Variants in MED16 observed in about 807,000 individuals in gnomAD.
MED16 encodes mediator complex subunit 16, also known as mediator of RNA polymerase II transcription subunit 16.
Under a neutral mutation model 84.4 loss-of-function variants are expected in MED16, and 81 were observed. The ratio of observed to expected loss-of-function variants is 0.96; its 90% CI spans 0.80 to 1.15. The LOEUF is 1.15. Ranked by LOEUF, MED16 falls within the 50% of genes most tolerant of loss-of-function variation. MED16 has a pLI of 0.00. For missense variants in MED16, 1,585 were observed against 1,245.9 expected (o/e 1.27, Z -4.10); for synonymous variants, 897 against 552.2 (o/e 1.62, Z -8.76).
intron 4 of MED16, among the ~76,000 whole-genome samples, chr19:888,680 C>G (rs2036571974): frequency 6.6e-6 from 1 of 152,140 alleles, no homozygotes; most frequent in South Asian, 2.1e-4. Flanking sequence ...AAAACTGTTA[C>G]CAAAAACAGG....
At chr19:873,781 G>T (rs1218372631) in intron 10 of MED16, among the ~76,000 whole-genome samples, 199 bp from the exon 11 acceptor site, 1 of 152,096 alleles carries the variant, frequency 6.6e-6, no homozygotes, top group Non-Finnish European at 1.5e-5. Flanking sequence ...CCCCCCCCGG[G>T]GGCCGCTGTG....
chr19:873,332 G>A, intron 11 of MED16, 117 bp downstream of exon 11: 1 of 329,672 alleles, frequency 3.0e-6, no homozygotes, highest in Non-Finnish European at 4.2e-6. Flanking sequence ...AGTAGGGGCG[G>A]GACTCCAACT....
intron 12 of MED16, 160 bp downstream of exon 12, chr19:871,766 G>A (rs2036066221): frequency 4.9e-6 from 3 of 614,748 alleles, no homozygotes; most frequent in South Asian, 1.7e-5. Context: ...GGAGAGGGGA[G>A]CGGGGAGAGG....
At chr19:878,358 AGCCCCAGCCC>A (rs2036316634) in intron 8 of MED16, among the ~76,000 whole-genome samples, 1 of 8,452 alleles carries the variant, frequency 1.2e-4, no homozygotes, top group Non-Finnish European at 2.3e-4. Context: ...AATGCCCACC[AGCCCCAGCCC>A]CAGCCCCAGC....
At chr19:873,720 A>AGGGGGC in intron 10 of MED16, 138 bp from the exon 11 acceptor site, 1 of 1,037,620 alleles carries the variant, frequency 9.6e-7, no homozygotes, top group African/African-American at 1.6e-5. Context: ...GGGAACGAGA[A>AGGGGGC]GGGGGCGATG....
chr19:879,956 C>A lies in MED16; in HGVS notation c.1334G>T (p.Gly445Val). 2 of 1,604,382 alleles carry A rather than the reference C, an allele frequency of 1.2e-6. No individual in the cohort carries two copies. Among genetic ancestry groups the A allele is most frequent in the Non-Finnish European group, 1.7e-6 (2 of 1,176,736 alleles). The change falls in exon 8 of 16, where the codon GGG (glycine) becomes GTG (valine). Residue 445 changes from glycine (G) to valine (V), a missense_variant. Physicochemically the swap from Gly to Val is moderately radical, Grantham distance 109. Transcript: ENST00000325464. ...QLSWTSLALV[G>V]IDSHGKLSVL... Reference sequence around the variant, plus strand: ...GCTCACCTTCCCGTGGCTGTCAATCCCCACCAGGGCCAGTGACGTCCACGA... The same window carrying A: ...GCTCACCTTCCCGTGGCTGTCAATCACCACCAGGGCCAGTGACGTCCACGA...
Position 874,603 on chromosome 19 carries a change from G to A in MED16, c.1771+641C>T, listed in dbSNP as rs77968665. 5.8e-3 allele frequency among the ~76,000 whole-genome samples: 888 copies of A among 152,292 alleles called. 13 individuals carry two copies. Among genetic ancestry groups the A allele is most frequent in the African/African-American group, 0.02 (847 of 41,560 alleles). ...CCTGCCTGCACAGGACCCGGGTGCC[G>A]GGTGTCGGCCTGGGAGCGTCTCAGC... On this transcript the variant is annotated intron_variant, in intron 10 of 15. Transcript: ENST00000325464.
At chr19:871,363 G>A (rs1449539420) in intron 12 of MED16, 110 bp from the exon 13 acceptor site, 9 of 1,347,818 alleles carry the variant, frequency 6.7e-6, no homozygotes, top group African/African-American at 1.5e-5. Flanking sequence ...CAGGGCCCCA[G>A]CTCTGTCTGC....
rs149297998 is a variant in MED16 at position 868,226 on chromosome 19, C to G, written c.2509G>C (p.Ala837Pro). 1 of 1,599,186 alleles carries G rather than the reference C, an allele frequency of 6.3e-7. No individual in the cohort carries two copies. The highest frequency in any genetic ancestry group is 8.5e-7 in the Non-Finnish European group (1 of 1,173,976). ...CLAVEGRGPD[A>P]CVTSRASEEA... ...TCAGAAGCTCTGCTGGTCACGCAGG[C>G]GTCCGGCCCACGGCCTTCAACAGCC... The change falls in exon 16 of 16, where the codon GCC becomes CCC. Residue 837 changes from alanine to proline, a missense_variant. Coordinates refer to ENST00000325464, the MANE Select transcript of MED16 (RefSeq NM_005481.3).
intron 5 of MED16, among the ~76,000 whole-genome samples, 165 bp downstream of exon 5, chr19:885,604 GA>G (rs1343437080): frequency 6.6e-6 from 1 of 152,160 alleles, no homozygotes; most frequent in Non-Finnish European, 1.5e-5. Context: ...CAGATGCTGG[GA>G]AAGGCAGAAA....
Position 890,125 on chromosome 19 carries a change from C to A in MED16, c.277+12G>T. On this transcript the variant is annotated intron_variant, in intron 3 of 15. Coordinates refer to ENST00000325464, the MANE Select transcript of MED16 (RefSeq NM_005481.3). ...GGTCGCCACCCCTGGCCACGTGGGA[C>A]CAGCGCCTCACCTGACTGGTCCCAC... 1 of 1,541,208 alleles carries A rather than the reference C, an allele frequency of 6.5e-7. No homozygotes were observed. The highest frequency in any genetic ancestry group is 8.8e-7 in the Non-Finnish European group (1 of 1,141,992).
chr19:874,856 T>C (rs1297236990), intron 10 of MED16, among the ~76,000 whole-genome samples: 5 of 151,828 alleles, frequency 3.3e-5, no homozygotes, highest in African/African-American at 1.2e-4. Flanking sequence ...GATGACACAG[T>C]GAGACCGTCT....
intron 13 of MED16, among the ~76,000 whole-genome samples, chr19:869,807 G>A (rs1316571156): frequency 6.6e-6 from 1 of 152,212 alleles, no homozygotes; most frequent in African/African-American, 2.4e-5. Flanking sequence ...CAGAGGGTTT[G>A]CATGTGCTCC....
chr19:871,491 C>A, intron 12 of MED16: 2 of 1,487,700 alleles, frequency 1.3e-6, no homozygotes, highest in Non-Finnish European at 9.0e-7. Flanking sequence ...CCCTCATTCA[C>A]TTAAAAAGTA....
intron 6 of MED16, among the ~76,000 whole-genome samples, chr19:883,357 C>T (rs113040541): frequency 2.5e-5 from 2 of 79,524 alleles, no homozygotes; most frequent in African/African-American, 5.3e-5. Context: ...AAGCCTGGCA[C>T]GGTGGGCACG....
In MED16 at chr19:883,776, G is replaced by A. The variant is rs1212004097; in HGVS notation, c.985+1127C>T. On this transcript the variant is annotated intron_variant, in intron 6 of 15. Coordinates refer to ENST00000325464, the MANE Select transcript of MED16 (RefSeq NM_005481.3). Reference sequence around the variant, plus strand: ...CAGGTCTGTGCAGCCACACGGGGTGGCGCCAGGTGCTGCTGCAGGAGCCAG... The same window carrying A: ...CAGGTCTGTGCAGCCACACGGGGTGACGCCAGGTGCTGCTGCAGGAGCCAG... 2.0e-5 allele frequency among the ~76,000 whole-genome samples: 3 copies of A among 152,130 alleles called. No homozygotes were observed. In the East Asian group the frequency reaches 5.8e-4, roughly 29 times the overall value.
intron 1 of MED16, 96 bp downstream of exon 1, chr19:892,990 G>T (rs1480088607): frequency 6.7e-6 from 1 of 149,958 alleles, no homozygotes; most frequent in Non-Finnish European, 1.5e-5. Context: ...CCCCGACCCC[G>T]CAGGCCCCGC....
intron 10 of MED16, among the ~76,000 whole-genome samples, chr19:874,235 TCC>T (rs2036174367): frequency 6.6e-6 from 1 of 152,016 alleles, no homozygotes; most frequent in Non-Finnish European, 1.5e-5. Flanking sequence ...TGCCTCAGCC[TCC>T]CGAGTAGCTG....
At chr19:886,296 A>G in intron 4 of MED16, 95 bp from the exon 5 acceptor site, 1 of 1,127,366 alleles carries the variant, frequency 8.9e-7, no homozygotes, top group Non-Finnish European at 1.2e-6. Flanking sequence ...ACCACGCAGA[A>G]GCCAGGAGTG....
Sources: allele counts gnomAD v4.1 joint callset (sites outside exome capture counted in the v4.1 genomes callset), GRCh38; gene constraint gnomAD v4.1.1; transcripts MANE v1.5; gene names NCBI Gene and HGNC (gene_info 2026-07-23, HGNC 2026-07-21).